The following ERBB4 variants were observed in gnomAD, a reference collection of about 807,000 sequenced individuals.
The protein encoded by ERBB4 is erb-b2 receptor tyrosine kinase 4, also known as receptor tyrosine-protein kinase erbB-4.
In ERBB4, 42 loss-of-function variants were observed where a neutral mutation model predicts 158.0. That is an observed-to-expected ratio of 0.27 (90% CI 0.21 to 0.34). The LOEUF (loss-of-function observed/expected upper bound fraction) is 0.34, where lower values mean the gene tolerates loss of function less well. Ranked by LOEUF, ERBB4 falls within the 10% of genes least tolerant of loss-of-function variation. The pLI is 1.00. For synonymous variants in ERBB4, 583 were observed against 558.7 expected (o/e 1.04, Z -0.61); for missense variants, 1,333 against 1,624.1 (o/e 0.82, Z 3.08).
At chr2:212,509,612 T>C (rs891333191) in intron 1 of ERBB4, among the ~76,000 whole-genome samples, 2 of 152,056 alleles carry the variant, frequency 1.3e-5, no homozygotes, top group African/African-American at 4.8e-5. Context: ...ATATAGAATA[T>C]GAAAATGGGA....
intron 1 of ERBB4, among the ~76,000 whole-genome samples, chr2:212,278,580 T>C (rs957858590): frequency 2.0e-5 from 3 of 151,626 alleles, no homozygotes; most frequent in Non-Finnish European, 4.4e-5. Context: ...TTCTTCACCA[T>C]TGTGTACTTG....
intron 20 of ERBB4, among the ~76,000 whole-genome samples, chr2:211,496,308 T>C (rs1005631896): frequency 6.6e-6 from 1 of 151,998 alleles, no homozygotes; most frequent in African/African-American, 2.4e-5. Flanking sequence ...CTCCCATAAA[T>C]AGACCCCTAT....
chr2:211,912,710 T>G (rs1159007752), intron 3 of ERBB4, among the ~76,000 whole-genome samples: 1 of 152,218 alleles, frequency 6.6e-6, no homozygotes, highest in Non-Finnish European at 1.5e-5. Flanking sequence ...GAGGTGGCTC[T>G]GCAAAGCCAT....
intron 2 of ERBB4, among the ~76,000 whole-genome samples, chr2:212,096,100 A>T (rs2078925540): frequency 6.6e-6 from 1 of 152,102 alleles, no homozygotes. Context: ...ACTGCAAACA[A>T]TGTCATAGTT....
intron 1 of ERBB4, among the ~76,000 whole-genome samples, chr2:212,447,172 A>AT (rs1166695850): frequency 5.9e-5 from 9 of 151,314 alleles, no homozygotes; most frequent in Admixed American, 5.3e-4. Context: ...AATTTTTTGT[A>AT]TTTTTTAGTA....
intron 20 of ERBB4, among the ~76,000 whole-genome samples, chr2:211,508,752 A>G (rs908611666): frequency 1.3e-5 from 2 of 152,120 alleles, no homozygotes; most frequent in African/African-American, 4.8e-5. Context: ...CTTGGAGCCA[A>G]CCCAAACGCC....
At chr2:211,521,717 G>T (rs1243620887) in intron 20 of ERBB4, among the ~76,000 whole-genome samples, 3 of 152,072 alleles carry the variant, frequency 2.0e-5, no homozygotes, top group African/African-American at 7.2e-5. Flanking sequence ...TCTTTTTAGG[G>T]GTTAATGCAT....
intron 22 of ERBB4, among the ~76,000 whole-genome samples, chr2:211,424,787 ACTCT>A (rs66848364): frequency 0.049 from 7,479 of 152,058 alleles, 403 homozygotes; most frequent in African/African-American, 0.14. Flanking sequence ...AAGAATTGTG[ACTCT>A]CTCTAACTTA....
intron 2 of ERBB4, among the ~76,000 whole-genome samples, chr2:211,953,465 CAAAAAAAA>C (rs36024345): frequency 1.2e-5 from 1 of 85,576 alleles, no homozygotes; most frequent in African/African-American, 4.0e-5. Context: ...GGTTTTTCTC[CAAAAAAAA>C]AAAAAAAAAA....
chr2:211,950,336 A>G (rs904249134), intron 2 of ERBB4, among the ~76,000 whole-genome samples: 1 of 152,058 alleles, frequency 6.6e-6, no homozygotes, highest in African/African-American at 2.4e-5. Flanking sequence ...TGCATGTAAG[A>G]CCTCTCACAA....
intron 25 of ERBB4, among the ~76,000 whole-genome samples, chr2:211,390,210 T>C (rs2062772396): frequency 6.6e-6 from 1 of 152,198 alleles, no homozygotes; most frequent in African/African-American, 2.4e-5. Context: ...TTACTAAATC[T>C]CTACAGTGAA....
chr2:211,583,173 G>A (rs571632698), intron 19 of ERBB4, among the ~76,000 whole-genome samples: 1 of 152,126 alleles, frequency 6.6e-6, no homozygotes, highest in Admixed American at 6.5e-5. Context: ...ATTAAATAAT[G>A]AAATTCACTT....
At chr2:211,530,007 C>G (rs2066452154) in intron 20 of ERBB4, among the ~76,000 whole-genome samples, 1 of 151,954 alleles carries the variant, frequency 6.6e-6, no homozygotes, top group African/African-American at 2.4e-5. Context: ...ATAGAGGAAT[C>G]AGACAGGAAA....
chr2:212,354,283 C>T (rs2089378640), intron 1 of ERBB4, among the ~76,000 whole-genome samples: 2 of 152,054 alleles, frequency 1.3e-5, no homozygotes, highest in South Asian at 2.1e-4. Flanking sequence ...AAGTTTGAAT[C>T]TAGGTCATGT....
intron 3 of ERBB4, among the ~76,000 whole-genome samples, chr2:211,806,668 A>G (rs2076624819): frequency 6.6e-6 from 1 of 152,190 alleles, no homozygotes. Flanking sequence ...AGGGGGACTG[A>G]TATAATGCAT....
intron 1 of ERBB4, among the ~76,000 whole-genome samples, chr2:212,399,222 T>C (rs193202295): frequency 6.8e-4 from 104 of 152,080 alleles, no homozygotes; most frequent in African/African-American, 2.4e-3. Context: ...GGATTATAGG[T>C]GCGAGCCACT....
intron 2 of ERBB4, among the ~76,000 whole-genome samples, chr2:212,091,528 T>G (rs1318225218): frequency 6.6e-6 from 1 of 152,146 alleles, no homozygotes; most frequent in East Asian, 1.9e-4. Context: ...ACACTGCCAA[T>G]GGTTGCTGTA....
intron 2 of ERBB4, among the ~76,000 whole-genome samples, chr2:212,070,502 T>C (rs1489982716): frequency 6.6e-6 from 1 of 152,082 alleles, no homozygotes; most frequent in Non-Finnish European, 1.5e-5. Flanking sequence ...TATAAATCAA[T>C]TGAATAGATT....
intron 2 of ERBB4, among the ~76,000 whole-genome samples, chr2:211,952,514 C>T (rs546014266): frequency 3.9e-5 from 6 of 152,196 alleles, no homozygotes; most frequent in Admixed American, 1.3e-4. Context: ...AGTAGCACAA[C>T]ATTTTCCACT....
Sources: gnomAD v4.1 joint callset for allele counts (sites outside exome capture counted in the v4.1 genomes callset) on GRCh38, gnomAD v4.1.1 for gene constraint, MANE v1.5 for transcripts, NCBI Gene and HGNC (gene_info 2026-07-23, HGNC 2026-07-21) for gene names.